The following POU2F1 variants were observed in gnomAD, a reference collection of about 807,000 sequenced individuals.
The protein encoded by POU2F1 is POU class 2 homeobox 1.
A neutral mutation model predicts 84.9 loss-of-function variants in POU2F1; 16 were observed. The ratio of observed to expected loss-of-function variants is 0.19; its 90% CI spans 0.13 to 0.29. The LOEUF is 0.29. Among genes scored for constraint, POU2F1 ranks in the 10% least tolerant of loss-of-function variants. POU2F1 has a pLI of 1.00. For synonymous variants in POU2F1, 368 were observed against 368.3 expected (o/e 1.00, Z 0.01); for missense variants, 738 against 942.6 (o/e 0.78, Z 2.84).
In POU2F1 at chr1:167,416,139, G is replaced by T; in HGVS notation, c.*329G>T. 1 of 417,202 alleles carries T rather than the reference G, an allele frequency of 2.4e-6. No homozygotes were observed. Among genetic ancestry groups the T allele is most frequent in the South Asian group, 2.1e-5 (1 of 47,676 alleles). The allele number at this position is 417,202 out of a possible 1,614,324, so 25.8% of individuals were successfully genotyped here. A position where few individuals can be genotyped will look rare whatever the true frequency, so the allele number is the denominator to read the frequency against. On this transcript the variant is annotated 3_prime_UTR_variant, in exon 16 of 16. Transcript: ENST00000367866. ...AAAAATCAAAAACAAACAAAAATAAGTGAAAGGACTACTTATCATTTCCAG... is the reference window on the plus strand; with the variant it reads ...AAAAATCAAAAACAAACAAAAATAATTGAAAGGACTACTTATCATTTCCAG...
At chr1:167,282,147 AT>A (rs566582927) in intron 1 of POU2F1, among the ~76,000 whole-genome samples, 72 of 143,280 alleles carry the variant, frequency 5.0e-4, no homozygotes, top group Admixed American at 5.5e-4. Context: ...TTTTTTTCTT[AT>A]TTTTTTTTTT....
intron 1 of POU2F1, among the ~76,000 whole-genome samples, chr1:167,268,962 T>C (rs185104088): frequency 2.6e-5 from 4 of 152,356 alleles, no homozygotes; most frequent in Admixed American, 2.6e-4. Flanking sequence ...TTCCTCCCTT[T>C]GTCCGTGTAA....
At chr1:167,381,771 G>A (rs1271934281) in intron 7 of POU2F1, among the ~76,000 whole-genome samples, 2 of 151,352 alleles carry the variant, frequency 1.3e-5, no homozygotes, top group Non-Finnish European at 2.9e-5. Flanking sequence ...CACCACACCC[G>A]GTTAATTTTT....
chr1:167,274,673 T>G (rs890165398), intron 1 of POU2F1, among the ~76,000 whole-genome samples: 3 of 152,198 alleles, frequency 2.0e-5, no homozygotes, highest in African/African-American at 7.2e-5. Context: ...TTAGTAGACT[T>G]ACTTCTTTGT....
In POU2F1 at chr1:167,426,606, T is replaced by C. The variant is rs193206862; in HGVS notation, c.*10796T>C. On this transcript the variant is annotated 3_prime_UTR_variant, in exon 16 of 16. Coordinates refer to ENST00000367866, the MANE Select transcript of POU2F1 (RefSeq NM_002697.4). Reference sequence around the variant, plus strand: ...TTTCAATATCTTAACTCACTTTTTTTTTCTTCCTTTTTTGTCTTAATTATT... The same window carrying C: ...TTTCAATATCTTAACTCACTTTTTTCTTCTTCCTTTTTTGTCTTAATTATT... 9.8e-4 allele frequency: 149 copies of C among 152,364 alleles called. No individual in the cohort carries two copies. The highest frequency in any genetic ancestry group is 3.6e-3 in the African/African-American group (148 of 41,594). The allele number at this position is 152,364 out of a possible 1,614,324, so 9.4% of individuals were successfully genotyped here. A position where few individuals can be genotyped will look rare whatever the true frequency, so the allele number is the denominator to read the frequency against.
intron 2 of POU2F1, among the ~76,000 whole-genome samples, chr1:167,337,002 CT>C (rs1485062292): frequency 1.3e-5 from 2 of 151,984 alleles, no homozygotes; most frequent in African/African-American, 4.8e-5. Context: ...CCCATCTCTA[CT>C]AAAAATACAA....
chr1:167,309,289 A>C (rs185218404), intron 1 of POU2F1, among the ~76,000 whole-genome samples: 1 of 152,176 alleles, frequency 6.6e-6, no homozygotes, highest in East Asian at 1.9e-4. Flanking sequence ...AGCTGTGTTT[A>C]TTTTTGCATT....
rs148946159 is a variant in POU2F1, at chr1:167,319,304, G to A, written c.62-13166G>A. 4.2e-3 allele frequency among the ~76,000 whole-genome samples: 633 copies of A among 152,192 alleles called. 4 individuals carry two copies. Among genetic ancestry groups the A allele is most frequent in the African/African-American group, 0.015 (611 of 41,514 alleles). Reference sequence around the variant, plus strand: ...ACCTGTTTCCCAACTTTTTGTTGTCGGATCTCTCCACCAAACCAGTTGTTT... The same window carrying A: ...ACCTGTTTCCCAACTTTTTGTTGTCAGATCTCTCCACCAAACCAGTTGTTT... On this transcript the variant is annotated intron_variant, in intron 1 of 15. Transcript: ENST00000367866.
chr1:167,287,659 G>A (rs1653628302), intron 1 of POU2F1, among the ~76,000 whole-genome samples: 1 of 152,134 alleles, frequency 6.6e-6, no homozygotes, highest in South Asian at 2.1e-4. Context: ...CAAAGTTATG[G>A]AAAATAGAAT....
intron 13 of POU2F1, among the ~76,000 whole-genome samples, chr1:167,403,785 C>T (rs1432787800): frequency 1.3e-5 from 2 of 152,178 alleles, no homozygotes; most frequent in Non-Finnish European, 2.9e-5. Flanking sequence ...GATGCCCTGT[C>T]ATCCTCTTTG....
intron 1 of POU2F1, among the ~76,000 whole-genome samples, chr1:167,230,838 C>T (rs1649013696): frequency 6.6e-6 from 1 of 152,130 alleles, no homozygotes; most frequent in African/African-American, 2.4e-5. Flanking sequence ...ATAATGAATG[C>T]TTGGTTGATG....
intron 1 of POU2F1, among the ~76,000 whole-genome samples, chr1:167,253,361 A>C (rs1650868978): frequency 1.0e-5 from 1 of 99,020 alleles, no homozygotes; most frequent in African/African-American, 4.2e-5. Context: ...ATTCTGTTTC[A>C]TTCTTTATTT....
At chr1:167,411,508 G>A (rs547705141) in intron 13 of POU2F1, among the ~76,000 whole-genome samples, 2 of 152,020 alleles carry the variant, frequency 1.3e-5, no homozygotes, top group Admixed American at 6.5e-5. Context: ...CTATGTTGTT[G>A]TTGATACTGA....
chr1:167,224,964 G>C (rs1483264932), intron 1 of POU2F1, among the ~76,000 whole-genome samples: 3 of 151,998 alleles, frequency 2.0e-5, no homozygotes, highest in Non-Finnish European at 2.9e-5. Context: ...TAGTAGCTGG[G>C]ACTACAGGCA....
intron 1 of POU2F1, among the ~76,000 whole-genome samples, chr1:167,232,875 G>C (rs1281207241): frequency 1.3e-5 from 2 of 151,716 alleles, no homozygotes; most frequent in Non-Finnish European, 1.5e-5. Flanking sequence ...CAGTAAGCTA[G>C]TTAATTTATT....
At chr1:167,312,657 T>A (rs1245297848) in intron 1 of POU2F1, among the ~76,000 whole-genome samples, 2 of 152,218 alleles carry the variant, frequency 1.3e-5, no homozygotes, top group Non-Finnish European at 1.5e-5. Flanking sequence ...GTGTACAGGC[T>A]TTCTCTAGTT....
chr1:167,264,294 G>A (rs1651785807), intron 1 of POU2F1, among the ~76,000 whole-genome samples: 1 of 151,978 alleles, frequency 6.6e-6, no homozygotes, highest in Non-Finnish European at 1.5e-5. Flanking sequence ...ATGAGAGCAT[G>A]TAGGTAGGGC....
At chr1:167,365,696 G>C in intron 3 of POU2F1, 129 bp downstream of exon 3, 1 of 618,486 alleles carries the variant, frequency 1.6e-6, no homozygotes, top group South Asian at 3.1e-5. Flanking sequence ...TTGTGTAATT[G>C]TGTCATTCTA....
At chr1:167,382,813 C>T (rs906034666) in intron 7 of POU2F1, among the ~76,000 whole-genome samples, 1 of 152,018 alleles carries the variant, frequency 6.6e-6, no homozygotes, top group Non-Finnish European at 1.5e-5. Flanking sequence ...TTATTTGTGA[C>T]CTACATTATG....
Sources: allele counts gnomAD v4.1 joint callset (sites outside exome capture counted in the v4.1 genomes callset), GRCh38; gene constraint gnomAD v4.1.1; transcripts MANE v1.5; gene names NCBI Gene and HGNC (gene_info 2026-07-23, HGNC 2026-07-21).